SNRPB: variants seen among roughly 807,000 people sequenced by gnomAD.
SNRPB encodes small nuclear ribonucleoprotein-associated proteins B and B'.
A neutral mutation model predicts 26.6 loss-of-function variants in SNRPB; 5 were observed. That is an observed-to-expected ratio of 0.19 (90% confidence interval 0.10 to 0.39). The LOEUF is 0.39. SNRPB is among the 10% of genes least tolerant of loss of function. SNRPB has a pLI of 1.00. For missense variants in SNRPB, 211 were observed against 311.9 expected, an observed-to-expected ratio of 0.68 and a Z score of 2.44; for synonymous variants, 122 against 105.8, an observed-to-expected ratio of 1.15 and a Z score of -0.94.
In SNRPB at chr20:2,463,017, G is replaced by A. The variant is rs1163811759; in HGVS notation, c.559+72C>T. ...AAACTCATCATCAGCTTCAGTCAAG[G>A]TTATATCTCATCATTAATCCAGCTA... On this transcript the variant is annotated intron_variant, in intron 5 of 6. Coordinates refer to ENST00000381342, the MANE Select transcript of SNRPB (RefSeq NM_003091.4). This position sits in a 1 kb window ranked among gnomAD's most constrained non-coding sequence, Gnocchi z 5.0. 6.0e-6 allele frequency: 8 copies of A among 1,328,836 alleles called. No individual in the cohort carries two copies. Among genetic ancestry groups the A allele is most frequent in the Non-Finnish European group, 8.3e-6 (8 of 963,866 alleles). The allele number at this position is 1,328,836 out of a possible 1,614,324, so 82.3% of individuals were successfully genotyped here. A position where few individuals can be genotyped will look rare whatever the true frequency, so the allele number is the denominator to read the frequency against.
intron 5 of SNRPB, 135 bp downstream of exon 5, chr20:2,462,954 G>T: frequency 9.7e-7 from 1 of 1,031,388 alleles, no homozygotes; most frequent in Non-Finnish European, 1.4e-6. Flanking sequence ...TCATCAGTCA[G>T]CCACGCTGGA....
At chr20:2,469,660 T>A (rs1266987839) in intron 1 of SNRPB, among the ~76,000 whole-genome samples, 1 of 151,922 alleles carries the variant, frequency 6.6e-6, no homozygotes, top group African/African-American at 2.4e-5. Context: ...TCCACCGCAC[T>A]CCAGCCTGGG....
intron 2 of SNRPB, among the ~76,000 whole-genome samples, chr20:2,466,681 G>A (rs6076166): frequency 3.3e-5 from 5 of 151,816 alleles, no homozygotes; most frequent in Non-Finnish European, 5.9e-5. Context: ...AAAACCCTTC[G>A]GGGTATTTTA....
At position 2,463,952 on chromosome 20, in the gene SNRPB, A is replaced by G. The variant is rs574052870; in HGVS notation, c.268-53T>C. 6.8e-7 allele frequency: 1 copy of G among 1,477,014 alleles called. No individual in the cohort carries two copies. The highest frequency in any genetic ancestry group is 2.3e-5 in the East Asian group (1 of 43,514). 91.5% of individuals were successfully genotyped at this position (1,477,014 alleles called of 1,614,324 possible). A position where few individuals can be genotyped will look rare whatever the true frequency, so the allele number is the denominator to read the frequency against. ...GCCCAGTGATCTGAAGATCAGAAGTATACTTTGGAATATCATTGCCAAGAG... is the reference window on the plus strand; with the variant it reads ...GCCCAGTGATCTGAAGATCAGAAGTGTACTTTGGAATATCATTGCCAAGAG... On this transcript the variant is annotated intron_variant, in intron 3 of 6. Transcript: ENST00000381342. This position sits in a 1 kb window ranked among gnomAD's most constrained non-coding sequence, Gnocchi z 5.0.
rs1431476861 is a variant in SNRPB, at chr20:2,463,481, T to C, written c.421-254A>G. ...GAGAAGGCAACTGCATTTTCAAATA[T>C]GACTCATGATTTCAAATGCTGTCAT... is the stretch of plus-strand genomic sequence containing the variant. On this transcript the variant is annotated intron_variant, in intron 4 of 6. Coordinates refer to ENST00000381342, the MANE Select transcript of SNRPB (RefSeq NM_003091.4). The surrounding 1 kb of genome is among the most constrained non-coding windows in gnomAD (Gnocchi z 5.0). Among the ~76,000 whole-genome samples, 2 of 152,382 alleles carry C rather than the reference T, an allele frequency of 1.3e-5. No homozygotes were observed. Among genetic ancestry groups the C allele is most frequent in the South Asian group, 2.1e-4 (1 of 4,830 alleles).
chr20:2,464,036 T>C (rs1308414853), intron 3 of SNRPB, 137 bp from the exon 4 acceptor site: 4 of 736,350 alleles, frequency 5.4e-6, no homozygotes, highest in Non-Finnish European at 7.0e-6. Context: ...TACCTCTCCA[T>C]GTGTGCCAAC....
At position 2,461,746 on chromosome 20, in the gene SNRPB, C is replaced by G. The variant is rs763361640; in HGVS notation, c.*183G>C. 2.5e-6 allele frequency: 4 copies of G among 1,587,786 alleles called. No homozygotes were observed. The highest frequency in any genetic ancestry group is 3.4e-4 in the Middle Eastern group (2 of 5,902). ...AAACAGGCAGGGAGCTGAGGAGGGC[C>G]AAGATGAGTCTAGGGCCTTGGTGGG... On this transcript the variant is annotated 3_prime_UTR_variant, in exon 7 of 7. Transcript: ENST00000381342.
chr20:2,465,068 C>T (rs1204296231), intron 3 of SNRPB, among the ~76,000 whole-genome samples: 1 of 152,150 alleles, frequency 6.6e-6, no homozygotes, highest in African/African-American at 2.4e-5. Context: ...CTGGTTTATT[C>T]TATTTATAAG....
At position 2,470,722 on chromosome 20, in the gene SNRPB, G is replaced by A. The variant is rs767276536; in HGVS notation, c.-32C>T. On this transcript the variant is annotated 5_prime_UTR_variant, in exon 1 of 7. Coordinates refer to ENST00000381342, the MANE Select transcript of SNRPB (RefSeq NM_003091.4). The stretch of plus-strand genomic sequence containing the variant: ...GGTTCTGATGGCTCTGATACCCGCC[G>A]GATTCGCCTCCTCAGAGGCCTAGCC... 1.2e-5 allele frequency: 19 copies of A among 1,612,356 alleles called. 1 individual carries two copies. In the South Asian group the frequency reaches 1.2e-4, roughly 10 times the overall value.
At position 2,463,114 on chromosome 20, in the gene SNRPB, A is replaced by G; in HGVS notation, c.534T>C (p.Pro178=). The G allele has an allele frequency of 1.3e-6, 2 of 1,529,954 alleles. No individual in the cohort carries two copies. Among genetic ancestry groups the G allele is most frequent in the Non-Finnish European group, 1.8e-6 (2 of 1,128,972 alleles). 94.8% of individuals were successfully genotyped at this position (1,529,954 alleles called of 1,614,324 possible). ...CTGGAGGGGGTGCTCCTCGGCCCAT[A>G]GGTGGGGGAGGACCCCCACGGCCAG... ...YPPGRGGPPP[P]MGRGAPPPGM... Residue 178 remains proline (P), a synonymous_variant, in exon 5 of 7, where the codon CCT becomes CCC. Coordinates refer to ENST00000381342, the MANE Select transcript of SNRPB (RefSeq NM_003091.4). The surrounding 1 kb of genome is among the most constrained non-coding windows in gnomAD (Gnocchi z 5.0).
At position 2,463,249 on chromosome 20, in the gene SNRPB, GAGTT is replaced by G; in HGVS notation, c.421-26_421-23del. The G allele has an allele frequency of 6.3e-7, 1 of 1,596,132 alleles. No homozygotes were observed. The highest frequency in any genetic ancestry group is 8.6e-7 in the Non-Finnish European group (1 of 1,163,962). On this transcript the variant is annotated intron_variant, in intron 4 of 6. Coordinates refer to ENST00000381342, the MANE Select transcript of SNRPB (RefSeq NM_003091.4). The surrounding 1 kb of genome is among the most constrained non-coding windows in gnomAD (Gnocchi z 5.0). ...TCACCTAAGAGGACATAAGAAGAAA[GAGTT>G]AGAAGAGTACAGTACAATGCAGCTT...
intron 2 of SNRPB, chr20:2,467,130 G>A: frequency 2.9e-6 from 1 of 342,762 alleles, no homozygotes; most frequent in South Asian, 2.2e-5. Flanking sequence ...ATCTCCAATT[G>A]TTTGTATAAA....
chr20:2,467,501 T>A, intron 2 of SNRPB, 106 bp downstream of exon 2: 1 of 1,055,670 alleles, frequency 9.5e-7, no homozygotes, highest in Admixed American at 2.2e-5. Flanking sequence ...AACTGGAGAA[T>A]AAACAGAGAA....
intron 3 of SNRPB, among the ~76,000 whole-genome samples, chr20:2,465,153 G>GT (rs1035450049): frequency 6.6e-6 from 1 of 152,314 alleles, no homozygotes; most frequent in South Asian, 2.1e-4. Context: ...TAGATTCTCA[G>GT]TAACTATGAA....
chr20:2,461,878 G>A lies in SNRPB; in HGVS notation c.*51C>T. 1 of 1,613,854 alleles carries A rather than the reference G, an allele frequency of 6.2e-7. No individual in the cohort carries two copies. On this transcript the variant is annotated 3_prime_UTR_variant, in exon 7 of 7. Coordinates refer to ENST00000381342, the MANE Select transcript of SNRPB (RefSeq NM_003091.4). ...AGGTCTGTGGTAACGTGGCCCTGAG[G>A]AATCGAGCCCACGCCTCTGCGGAGC...
rs990978607 is a variant in SNRPB, at chr20:2,463,502, G to A, written c.420+245C>T. The stretch of plus-strand genomic sequence containing the variant: ...AATATGACTCATGATTTCAAATGCT[G>A]TCATGGAAATATTTTCCTTAAATAC... On this transcript the variant is annotated intron_variant, in intron 4 of 6. Coordinates refer to ENST00000381342, the MANE Select transcript of SNRPB (RefSeq NM_003091.4). The surrounding 1 kb of genome is among the most constrained non-coding windows in gnomAD (Gnocchi z 5.0). Among the ~76,000 whole-genome samples, 1 of 152,222 alleles carries A rather than the reference G, an allele frequency of 6.6e-6. No homozygotes were observed. Among genetic ancestry groups the A allele is most frequent in the Non-Finnish European group, 1.5e-5 (1 of 68,036 alleles).
In SNRPB at chr20:2,463,339, A is replaced by T. The variant is rs1411415674; in HGVS notation, c.421-112T>A. The T allele has an allele frequency of 8.7e-6, 7 of 805,714 alleles. No homozygotes were observed. The highest frequency in any genetic ancestry group is 2.0e-5 in the Admixed American group (1 of 50,402). The allele number at this position is 805,714 out of a possible 1,614,324, so 49.9% of individuals were successfully genotyped here. A position where few individuals can be genotyped will look rare whatever the true frequency, so the allele number is the denominator to read the frequency against. ...GAAATAACAGACACCAAATCCCTTA[A>T]TGCTACAACTCTCAGCACCAGACTT... On this transcript the variant is annotated intron_variant, in intron 4 of 6. Coordinates refer to ENST00000381342, the MANE Select transcript of SNRPB (RefSeq NM_003091.4). This position sits in a 1 kb window ranked among gnomAD's most constrained non-coding sequence, Gnocchi z 5.0.
chr20:2,464,741 ACAT>A (rs1182961944), intron 3 of SNRPB, among the ~76,000 whole-genome samples: 1 of 152,184 alleles, frequency 6.6e-6, no homozygotes, highest in Non-Finnish European at 1.5e-5. Context: ...GTGGTGGCTC[ACAT>A]CTGTAATCCC....
rs373871174 is a variant in SNRPB at position 2,463,122 on chromosome 20, G to C, written c.526C>G (p.Pro176Ala). 2 of 1,602,982 alleles carry C rather than the reference G, an allele frequency of 1.2e-6. No homozygotes were observed. The highest frequency in any genetic ancestry group is 2.7e-5 in the African/African-American group (2 of 74,706). Residue 176 changes from proline to alanine, a missense_variant, in exon 5 of 7, where the codon CCC (proline) becomes GCC (alanine). Physicochemically the swap from Pro to Ala is conservative, Grantham distance 27. Coordinates refer to ENST00000381342, the MANE Select transcript of SNRPB (RefSeq NM_003091.4). This position sits in a 1 kb window ranked among gnomAD's most constrained non-coding sequence, Gnocchi z 5.0. ...GGTGCTCCTCGGCCCATAGGTGGGG[G>C]AGGACCCCCACGGCCAGGTGGGTAC... ...TQYPPGRGGP[P>A]PPMGRGAPPP...
Sources: allele counts gnomAD v4.1 joint callset (sites outside exome capture counted in the v4.1 genomes callset), GRCh38; gene constraint gnomAD v4.1.1; non-coding constraint Gnocchi (gnomAD v3.1); transcripts MANE v1.5; gene names NCBI Gene and HGNC (gene_info 2026-07-23, HGNC 2026-07-21).